Variants in CENPP observed in about 807,000 individuals in gnomAD.
CENPP encodes the protein centromere protein P.
Under a neutral mutation model 35.6 loss-of-function variants are expected in CENPP, and 24 were observed. The ratio of observed to expected loss-of-function variants is 0.67; its 90% CI spans 0.49 to 0.95. The LOEUF is 0.95. Ranked by LOEUF, CENPP falls within the 40% of genes least tolerant of loss-of-function variation. CENPP has a pLI of 0.00. For synonymous variants in CENPP, 120 were observed against 125.5 expected (o/e 0.96, Z 0.29); for missense variants, 332 against 345.3 (o/e 0.96, Z 0.31).
intron 5 of CENPP, among the ~76,000 whole-genome samples, chr9:92,499,701 C>T (rs1349388356): frequency 6.6e-6 from 1 of 152,244 alleles, no homozygotes; most frequent in Admixed American, 6.5e-5. Flanking sequence ...CCCATCTCTT[C>T]CTCCAGTACC....
At chr9:92,552,026 CTATCATATATGTGATATTAT>C (rs1564000151) in intron 5 of CENPP, among the ~76,000 whole-genome samples, 3 of 88,802 alleles carry the variant, frequency 3.4e-5, no homozygotes, top group African/African-American at 2.0e-4. Context: ...TATGATAGAT[CTATCATATATGTGATATTAT>C]AGGTCTATCA....
At chr9:92,337,393 G>A (rs1442929973) in intron 2 of CENPP, 148 bp from the exon 3 acceptor site, 4 of 524,256 alleles carry the variant, frequency 7.6e-6, no homozygotes, top group Non-Finnish European at 1.4e-5. Flanking sequence ...TTTGGTTTAC[G>A]TTCTTCCAGA....
At chr9:92,428,409 T>A (rs1252766811) in intron 5 of CENPP, among the ~76,000 whole-genome samples, 4 of 152,192 alleles carry the variant, frequency 2.6e-5, no homozygotes, top group Non-Finnish European at 5.9e-5. Context: ...TCAGAACCTC[T>A]GAGCATGGGC....
At chr9:92,606,510 G>C (rs1175852480) in intron 5 of CENPP, among the ~76,000 whole-genome samples, 1 of 152,130 alleles carries the variant, frequency 6.6e-6, no homozygotes, top group Non-Finnish European at 1.5e-5. Context: ...ATATGACCCA[G>C]AAATCCCGCT....
intron 5 of CENPP, among the ~76,000 whole-genome samples, chr9:92,490,420 G>T (rs1208028845): frequency 2.6e-5 from 4 of 152,098 alleles, no homozygotes; most frequent in African/African-American, 4.8e-5. Context: ...TAATATTTTT[G>T]AATTTTAAGT....
intron 5 of CENPP, among the ~76,000 whole-genome samples, chr9:92,464,341 T>G (rs1281586530): frequency 6.6e-6 from 1 of 152,226 alleles, no homozygotes; most frequent in Admixed American, 6.5e-5. Context: ...GTGCTCATCT[T>G]GGTAATGATT....
intron 5 of CENPP, among the ~76,000 whole-genome samples, chr9:92,548,040 T>G (rs963994641): frequency 6.6e-6 from 1 of 152,234 alleles, no homozygotes; most frequent in Non-Finnish European, 1.5e-5. Context: ...CCAAAAGAAT[T>G]TTCAGATAAA....
chr9:92,576,382 C>T (rs559221869), intron 5 of CENPP, among the ~76,000 whole-genome samples: 9 of 152,086 alleles, frequency 5.9e-5, no homozygotes, highest in South Asian at 2.1e-4. Context: ...TGTCAAGTTT[C>T]GATTTTACAA....
chr9:92,586,340 C>T (rs992081262), intron 5 of CENPP, among the ~76,000 whole-genome samples: 13 of 151,936 alleles, frequency 8.6e-5, no homozygotes, highest in African/African-American at 2.9e-4. Flanking sequence ...CCACCGCGCC[C>T]AGCCTGTAGA....
intron 5 of CENPP, among the ~76,000 whole-genome samples, chr9:92,450,521 G>C (rs1270293509): frequency 6.6e-6 from 1 of 152,082 alleles, no homozygotes; most frequent in Non-Finnish European, 1.5e-5. Flanking sequence ...TTGGTTCCAA[G>C]TCTTTGCTAT....
In CENPP at chr9:92,471,200, T is replaced by C. The variant is rs371472912; in HGVS notation, c.564+91341T>C. Among the ~76,000 whole-genome samples, 153 of 132,880 alleles carry C rather than the reference T, an allele frequency of 1.2e-3. 1 individual carries two copies. The highest frequency in any genetic ancestry group is 3.8e-3 in the African/African-American group (143 of 38,048). 87.2% of individuals were successfully genotyped at this position (132,880 alleles called of 152,430 possible). ...TATGGGTCTTGATAATTTTTCTTTCTTTTTTTTTTTTTTTGAGATGGAGTC... is the reference window on the plus strand; with the variant it reads ...TATGGGTCTTGATAATTTTTCTTTCCTTTTTTTTTTTTTTGAGATGGAGTC... On this transcript the variant is annotated intron_variant, in intron 5 of 7. Coordinates refer to ENST00000375587, the MANE Select transcript of CENPP (RefSeq NM_001012267.3).
intron 5 of CENPP, among the ~76,000 whole-genome samples, chr9:92,450,382 G>A (rs1221550395): frequency 6.6e-6 from 1 of 151,874 alleles, no homozygotes; most frequent in Admixed American, 6.6e-5. Flanking sequence ...TACTGAGAAC[G>A]ATGATTTCCA....
At chr9:92,612,435 G>C in intron 6 of CENPP, 88 bp from the exon 7 acceptor site, 1 of 1,015,682 alleles carries the variant, frequency 9.8e-7, no homozygotes, top group Admixed American at 1.8e-5. Flanking sequence ...CCAGCATGGG[G>C]AAATGGAGAC....
At chr9:92,328,861 A>G (rs537231259) in intron 1 of CENPP, among the ~76,000 whole-genome samples, 2 of 152,372 alleles carry the variant, frequency 1.3e-5, no homozygotes, top group East Asian at 3.9e-4. Flanking sequence ...CAAAATATAC[A>G]TAAGATTTAC....
At chr9:92,382,646 C>G (rs1014697624) in intron 5 of CENPP, among the ~76,000 whole-genome samples, 1 of 151,980 alleles carries the variant, frequency 6.6e-6, no homozygotes, top group Non-Finnish European at 1.5e-5. Flanking sequence ...TAATTTAACC[C>G]TTAAGTTTAG....
chr9:92,464,867 T>C (rs923980040), intron 5 of CENPP: 2 of 1,269,154 alleles, frequency 1.6e-6, no homozygotes, highest in Non-Finnish European at 1.2e-6. Context: ...TGAATCGTTA[T>C]TGAAAGGTGA....
rs556927775 is a variant in CENPP, at chr9:92,381,454, A to G, written c.564+1595A>G. 4.9e-4 allele frequency among the ~76,000 whole-genome samples: 74 copies of G among 151,918 alleles called. 1 individual carries two copies. The highest frequency in any genetic ancestry group is 1.7e-3 in the African/African-American group (72 of 41,458). ...CACACGCCACCATGTCAGCTAATTT[A>G]TGTATTTTTCGTAGAGATGCAGTTT... On this transcript the variant is annotated intron_variant, in intron 5 of 7. Transcript: ENST00000375587.
chr9:92,371,833 G>C (rs1046306981), intron 4 of CENPP, among the ~76,000 whole-genome samples: 3 of 149,754 alleles, frequency 2.0e-5, no homozygotes, highest in Non-Finnish European at 4.4e-5. Flanking sequence ...TTTCTGAAAT[G>C]ACTCCTTTAT....
intron 4 of CENPP, among the ~76,000 whole-genome samples, chr9:92,356,946 G>T (rs1484178916): frequency 1.3e-5 from 2 of 152,128 alleles, no homozygotes; most frequent in Admixed American, 1.3e-4. Context: ...TTATGAACTT[G>T]TATATTTATA....
Sources: allele counts gnomAD v4.1 joint callset (sites outside exome capture counted in the v4.1 genomes callset), GRCh38; gene constraint gnomAD v4.1.1; transcripts MANE v1.5; gene names NCBI Gene and HGNC (gene_info 2026-07-23, HGNC 2026-07-21).